Variants in APP observed in about 807,000 individuals in gnomAD.
APP encodes the protein amyloid beta precursor protein.
APP carries 31 observed loss-of-function variants against 101.4 expected under a neutral mutation model. That is an observed-to-expected ratio of 0.31 (90% CI 0.23 to 0.41). The LOEUF (loss-of-function observed/expected upper bound fraction) is 0.41. APP is among the 10% of genes least tolerant of loss of function. APP has a pLI of 1.00. For synonymous variants in APP, 366 were observed against 364.4 expected (o/e 1.00, Z -0.05); for missense variants, 839 against 1,003.7 (o/e 0.84, Z 2.22).
intron 7 of APP, among the ~76,000 whole-genome samples, chr21:25,999,088 C>T (rs1009969008): frequency 6.6e-6 from 1 of 152,102 alleles, no homozygotes; most frequent in Middle Eastern, 3.2e-3. Context: ...GTCAGGAGTT[C>T]GAGACCAGCC....
intron 13 of APP, among the ~76,000 whole-genome samples, chr21:25,932,932 T>G (rs1481154315): frequency 1.3e-5 from 2 of 152,208 alleles, no homozygotes; most frequent in African/African-American, 2.4e-5. Flanking sequence ...AGCCTCTACG[T>G]TAAGTACCAT....
At chr21:25,948,424 A>AT (rs1287760512) in intron 13 of APP, among the ~76,000 whole-genome samples, 8 of 152,208 alleles carry the variant, frequency 5.3e-5, no homozygotes, top group Non-Finnish European at 1.2e-4. Flanking sequence ...TAAAATTGTA[A>AT]TAAAAAATAA....
At chr21:25,895,764 T>G (rs2038000322) in intron 16 of APP, among the ~76,000 whole-genome samples, 1 of 152,222 alleles carries the variant, frequency 6.6e-6, no homozygotes, top group Non-Finnish European at 1.5e-5. Context: ...ACAAATATGC[T>G]AGCTCAACAT....
intron 1 of APP, among the ~76,000 whole-genome samples, chr21:26,152,796 C>G (rs1316501490): frequency 6.6e-6 from 1 of 152,174 alleles, no homozygotes; most frequent in Admixed American, 6.5e-5. Context: ...TACTGGGTAT[C>G]TACCCGGAGG....
chr21:26,165,157 A>C (rs1270298973), intron 1 of APP, among the ~76,000 whole-genome samples: 1 of 152,244 alleles, frequency 6.6e-6, no homozygotes, highest in Admixed American at 6.5e-5. Context: ...AATAGTCTTA[A>C]TTGGCCAATA....
rs373341109 is a variant in APP at position 26,095,545 on chromosome 21, T to C, written c.226-5473A>G. Reference sequence around the variant, plus strand: ...TTGTGAATTACTTACTGTGCCTAATTTGTAAATTCAACTTTATCACAGGTA... The same window carrying C: ...TTGTGAATTACTTACTGTGCCTAATCTGTAAATTCAACTTTATCACAGGTA... On this transcript the variant is annotated intron_variant, in intron 2 of 17. Transcript: ENST00000346798. 1.4e-3 allele frequency among the ~76,000 whole-genome samples: 208 copies of C among 152,306 alleles called. No homozygotes were observed. In the Middle Eastern group the frequency reaches 0.024, roughly 17 times the overall value.
chr21:26,146,166 T>C (rs757379501), intron 1 of APP, among the ~76,000 whole-genome samples: 2 of 152,136 alleles, frequency 1.3e-5, no homozygotes, highest in African/African-American at 2.4e-5. Flanking sequence ...GAAACCCTGC[T>C]TCTACTAAAA....
chr21:26,104,514 C>G (rs996974083), intron 2 of APP, among the ~76,000 whole-genome samples: 4 of 152,260 alleles, frequency 2.6e-5, no homozygotes, highest in African/African-American at 9.6e-5. Flanking sequence ...GTTATCTTCT[C>G]AATCAAACTT....
intron 5 of APP, among the ~76,000 whole-genome samples, chr21:26,031,679 C>A (rs2044831868): frequency 1.4e-5 from 2 of 145,250 alleles, no homozygotes; most frequent in Admixed American, 7.1e-5. Context: ...CAGAGAAGAT[C>A]AGCCCCCATG....
At chr21:26,072,734 G>GT (rs575719812) in intron 3 of APP, among the ~76,000 whole-genome samples, 83 of 152,198 alleles carry the variant, frequency 5.5e-4, no homozygotes, top group African/African-American at 1.9e-3. Context: ...CAATAGCAGG[G>GT]TTTCTACATT....
intron 1 of APP, 72 bp downstream of exon 1, chr21:26,170,491 TG>T: frequency 6.8e-7 from 1 of 1,473,304 alleles, no homozygotes. Flanking sequence ...ATTAAAGACT[TG>T]GGTTAAGGTC....
intron 6 of APP, among the ~76,000 whole-genome samples, chr21:26,019,633 G>T (rs2044247712): frequency 6.6e-6 from 1 of 152,152 alleles, no homozygotes; most frequent in Non-Finnish European, 1.5e-5. Context: ...CTTGTACCAA[G>T]CAGGTGCTCA....
chr21:25,898,359 C>CTAAT (rs1430544176), intron 15 of APP, among the ~76,000 whole-genome samples: 1 of 152,138 alleles, frequency 6.6e-6, no homozygotes, highest in Non-Finnish European at 1.5e-5. Flanking sequence ...ATTCTTAACA[C>CTAAT]TAATTGTTCT....
intron 1 of APP, among the ~76,000 whole-genome samples, chr21:26,119,619 A>AT (rs1271322889): frequency 6.6e-6 from 1 of 152,246 alleles, no homozygotes; most frequent in African/African-American, 2.4e-5. Context: ...ACCTATGTAC[A>AT]TATACACATG....
At chr21:26,101,558 C>A (rs2154481) in intron 2 of APP, among the ~76,000 whole-genome samples, 5 of 152,020 alleles carry the variant, frequency 3.3e-5, no homozygotes, top group Admixed American at 6.5e-5. Context: ...GAACAGGCAG[C>A]CTTCCTGGAC....
chr21:26,010,627 T>G (rs369963790), intron 6 of APP, among the ~76,000 whole-genome samples: 2 of 151,180 alleles, frequency 1.3e-5, no homozygotes, highest in Non-Finnish European at 2.9e-5. Context: ...CTGGCTAACA[T>G]GGTGAAACCC....
At chr21:26,053,465 G>A in intron 3 of APP, 117 bp from the exon 4 acceptor site, 1 of 767,984 alleles carries the variant, frequency 1.3e-6, no homozygotes, top group East Asian at 2.6e-5. Context: ...TAATGCCTAA[G>A]CAACCCAATC....
intron 8 of APP, among the ~76,000 whole-genome samples, chr21:25,988,233 G>C (rs1302113213): frequency 6.6e-6 from 1 of 152,184 alleles, no homozygotes; most frequent in Non-Finnish European, 1.5e-5. Flanking sequence ...AGCAAGAGAG[G>C]AAGTAGTGGG....
intron 6 of APP, 35 bp downstream of exon 6, chr21:26,021,805 G>A: frequency 6.2e-7 from 1 of 1,608,088 alleles, no homozygotes; most frequent in Non-Finnish European, 8.5e-7. Context: ...TCTTTTCCTT[G>A]GGGGTGGGGG....
Sources: allele counts gnomAD v4.1 joint callset (sites outside exome capture counted in the v4.1 genomes callset), GRCh38; gene constraint gnomAD v4.1.1; transcripts MANE v1.5; gene names NCBI Gene and HGNC (gene_info 2026-07-23, HGNC 2026-07-21).